The following DDB1 variants were observed in gnomAD, a reference collection of about 807,000 sequenced individuals.
DDB1 encodes the protein damage specific DNA binding protein 1, also known as DNA damage-binding protein 1.
In DDB1, 18 loss-of-function variants were observed where a neutral mutation model predicts 133.1. The ratio of observed to expected loss-of-function variants is 0.14; its 90% CI spans 0.09 to 0.20. DDB1 has a LOEUF of 0.20. Ranked by LOEUF, DDB1 falls within the 10% of genes least tolerant of loss-of-function variation. The pLI is 1.00. For missense variants in DDB1, 828 were observed against 1,459.2 expected (o/e 0.57, Z 7.05); for synonymous variants, 580 against 550.5 (o/e 1.05, Z -0.75).
In DDB1 at chr11:61,324,158, G is replaced by C. The variant is rs1443158508; in HGVS notation, c.763-21C>G. 2.5e-6 allele frequency: 4 copies of C among 1,613,676 alleles called. No homozygotes were observed. In the Admixed American group the frequency reaches 5.0e-5, roughly 20 times the overall value. On this transcript the variant is annotated intron_variant, in intron 6 of 26. Transcript: ENST00000301764. ...CTTTGCTGCCAATTGGAAGGAAACA[G>C]TCATTAGAGATTCAGCATCTTCTAC...
At position 61,300,167 on chromosome 11, in the gene DDB1, T is replaced by C. The variant is rs750936948; in HGVS notation, c.3392A>G (p.Lys1131Arg). ...KREATADDLI[K>R]VVEELTRIH ...GATCCGAGTTAGCTCCTCCACAACC[T>C]TGATGAGGTCGTCTGCAGTGGCCTC... Residue 1131 changes from lysine to arginine, a missense_variant, in exon 27 of 27, where the codon AAG becomes AGG. Coordinates refer to ENST00000301764, the MANE Select transcript of DDB1 (RefSeq NM_001923.5). 4.3e-6 allele frequency: 7 copies of C among 1,614,180 alleles called. No individual in the cohort carries two copies. Among genetic ancestry groups the C allele is most frequent in the South Asian group, 1.1e-5 (1 of 91,082 alleles).
At position 61,316,976 on chromosome 11, in the gene DDB1, T is replaced by C. The variant is rs188759576; in HGVS notation, c.1226-409A>G. Among the ~76,000 whole-genome samples, 483 of 56,502 alleles carry C rather than the reference T, an allele frequency of 8.5e-3. 11 individuals are homozygous for C. Among genetic ancestry groups the C allele is most frequent in the Non-Finnish European group, 0.015 (392 of 26,302 alleles). The allele number at this position is 56,502 out of a possible 152,430, so 37.1% of individuals were successfully genotyped here. On this transcript the variant is annotated intron_variant, in intron 10 of 26. Transcript: ENST00000301764. ...ATATATATATATATATATATATATA[T>C]ATATATATATATATATATATATAGA...
intron 4 of DDB1, among the ~76,000 whole-genome samples, chr11:61,328,047 A>G (rs1250940088): frequency 2.0e-5 from 3 of 152,264 alleles, no homozygotes; most frequent in African/African-American, 7.2e-5. Context: ...TGAGACACAC[A>G]TGCAGAAATG....
intron 12 of DDB1, chr11:61,315,884 T>C (rs185908036): frequency 1.7e-4 from 27 of 161,290 alleles, no homozygotes; most frequent in African/African-American, 6.0e-4. Flanking sequence ...TCATGATTTT[T>C]TCTTTTTTTG....
chr11:61,325,605 G>A lies in DDB1; in HGVS notation c.762+6C>T, dbSNP rs182857020. The A allele has an allele frequency of 7.2e-4, 1,154 of 1,611,482 alleles. 1 individual carries two copies. The highest frequency in any genetic ancestry group is 2.5e-3 in the Admixed American group (147 of 59,916). ...TGAAAGGAAAAAAAGGTAGGACTGCGCTCACCTTGATGATAGGAGGGGCAA... is the reference window on the plus strand; with the variant it reads ...TGAAAGGAAAAAAAGGTAGGACTGCACTCACCTTGATGATAGGAGGGGCAA... On this transcript the variant is annotated splice_donor_region_variant and intron_variant, in intron 6 of 26. Transcript: ENST00000301764.
At chr11:61,310,106 A>C in intron 19 of DDB1, 146 bp from the exon 20 acceptor site, 1 of 1,381,176 alleles carries the variant, frequency 7.2e-7, no homozygotes, top group Non-Finnish European at 1.0e-6. Context: ...TCCATCCCCC[A>C]CCAGCCTAAG....
At chr11:61,302,519 C>A (rs1183995488) in intron 24 of DDB1, 63 bp downstream of exon 24, 2 of 1,605,540 alleles carry the variant, frequency 1.2e-6, no homozygotes, top group Non-Finnish European at 1.7e-6. Context: ...TCCCCAGTCC[C>A]TCAGAATGCT....
At chr11:61,331,794 T>C (rs1228659775) in intron 1 of DDB1, 103 bp from the exon 2 acceptor site, 7 of 1,464,950 alleles carry the variant, frequency 4.8e-6, no homozygotes, top group Non-Finnish European at 6.5e-6. Flanking sequence ...AATTCTCATT[T>C]ACTTCACATA....
At chr11:61,308,297 T>TA in intron 21 of DDB1, among the ~76,000 whole-genome samples, 1 of 152,288 alleles carries the variant, frequency 6.6e-6, no homozygotes, top group Non-Finnish European at 1.5e-5. Context: ...GTAGGGTTCT[T>TA]ACCTCCCTTC....
At chr11:61,330,317 TACAA>T (rs1234751397) in intron 2 of DDB1, 6 of 374,224 alleles carry the variant, frequency 1.6e-5, no homozygotes, top group African/African-American at 2.1e-5. Flanking sequence ...CTCTCTGTTC[TACAA>T]ACAAAGTCTT....
At position 61,329,944 on chromosome 11, in the gene DDB1, A is replaced by G. The variant is rs772134604; in HGVS notation, c.327+14T>C. Reference sequence around the variant, plus strand: ...ACTTAGAAAACTTTCATTGGCCTAAAGCAGCCACCTCACCTGGACATTGCC... The same window carrying G: ...ACTTAGAAAACTTTCATTGGCCTAAGGCAGCCACCTCACCTGGACATTGCC... On this transcript the variant is annotated intron_variant, in intron 3 of 26. Coordinates refer to ENST00000301764, the MANE Select transcript of DDB1 (RefSeq NM_001923.5). 2.0e-5 allele frequency: 32 copies of G among 1,603,924 alleles called. No individual in the cohort carries two copies. Among genetic ancestry groups the G allele is most frequent in the Non-Finnish European group, 2.6e-5 (31 of 1,172,186 alleles).
At position 61,303,925 on chromosome 11, in the gene DDB1, G is replaced by C. The variant is rs770663928; in HGVS notation, c.2772C>G (p.Gly924=). The C allele has an allele frequency of 3.7e-6, 6 of 1,613,828 alleles. No homozygotes were observed. The highest frequency in any genetic ancestry group is 5.1e-6 in the Non-Finnish European group (6 of 1,180,018). ...GCAGCAGCACTGAGCGCATAAGGTC[G>C]CCCACCAGGATGAAGTCGCCCTTGG... The part of the protein sequence containing the change: ...LKTKGDFILV[G]DLMRSVLLLA... The change falls in exon 22 of 27, where the codon GGC becomes GGG. Residue 924 remains glycine, a synonymous_variant. Coordinates refer to ENST00000301764, the MANE Select transcript of DDB1 (RefSeq NM_001923.5).
intron 10 of DDB1, among the ~76,000 whole-genome samples, chr11:61,319,839 TAAAG>T (rs958602845): frequency 6.6e-6 from 1 of 152,254 alleles, no homozygotes; most frequent in African/African-American, 2.4e-5. Flanking sequence ...ACATTAAATA[TAAAG>T]AGAGAACAGC....
At chr11:61,315,016 G>A (rs1343871676) in intron 12 of DDB1, 1 of 152,080 alleles carries the variant, frequency 6.6e-6, no homozygotes, top group Non-Finnish European at 1.5e-5. Flanking sequence ...TTTGAGTAGA[G>A]ATGGGGTTTC....
At chr11:61,321,313 C>T (rs970235947) in intron 10 of DDB1, 1 of 251,384 alleles carries the variant, frequency 4.0e-6, no homozygotes, top group East Asian at 7.6e-5. Flanking sequence ...TGAATTCTAT[C>T]GGTTGCCTCA....
At chr11:61,318,775 G>GCTTT (rs1279250562) in intron 10 of DDB1, among the ~76,000 whole-genome samples, 1 of 152,062 alleles carries the variant, frequency 6.6e-6, no homozygotes, top group East Asian at 1.9e-4. Context: ...CATAGTTATG[G>GCTTT]CTTCATTTTT....
At chr11:61,309,664 G>C in intron 20 of DDB1, 132 bp downstream of exon 20, 1 of 887,592 alleles carries the variant, frequency 1.1e-6, no homozygotes, top group African/African-American at 1.7e-5. Context: ...AAATAAAGAA[G>C]AGAATAGCTC....
Position 61,309,856 on chromosome 11 carries a change from C to T in DDB1, c.2506G>A (p.Val836Met). ...TTGGGCTCTGCCTCTTCAGGATACACCATTGCTGTGCCCACAATGAAGTAA... is the reference window on the plus strand; with the variant it reads ...TTGGGCTCTGCCTCTTCAGGATACATCATTGCTGTGCCCACAATGAAGTAA... Reference protein sequence around the residue: ...NTYFIVGTAMVYPEEAEPKQG... With the variant: ...NTYFIVGTAMMYPEEAEPKQG... Residue 836 changes from valine to methionine, a missense_variant, in exon 20 of 27, where the codon GTG (valine) becomes ATG (methionine). Coordinates refer to ENST00000301764, the MANE Select transcript of DDB1 (RefSeq NM_001923.5). The T allele has an allele frequency of 1.2e-6, 2 of 1,614,190 alleles. No individual in the cohort carries two copies. Among genetic ancestry groups the T allele is most frequent in the Non-Finnish European group, 1.7e-6 (2 of 1,180,034 alleles).
chr11:61,310,056 C>T, intron 19 of DDB1, 96 bp from the exon 20 acceptor site: 1 of 1,529,816 alleles, frequency 6.5e-7, no homozygotes, highest in Non-Finnish European at 9.0e-7. Context: ...TAGGCAGTGA[C>T]AAAGCGTGTA....
Sources: allele counts gnomAD v4.1 joint callset (sites outside exome capture counted in the v4.1 genomes callset), GRCh38; gene constraint gnomAD v4.1.1; transcripts MANE v1.5; gene names NCBI Gene and HGNC (gene_info 2026-07-23, HGNC 2026-07-21).